The following UPP2 variants were observed in gnomAD, a reference collection of about 807,000 sequenced individuals.
UPP2 encodes uridine phosphorylase 2.
Under a neutral mutation model 26.7 loss-of-function variants are expected in UPP2, and 23 were observed. That is an observed-to-expected ratio of 0.86 (90% confidence interval 0.62 to 1.22). The LOEUF is 1.22. Among genes scored for constraint, UPP2 ranks in the 50% most tolerant of loss-of-function variants. UPP2 has a pLI of 0.00. For missense variants in UPP2, 387 were observed against 396.7 expected, an observed-to-expected ratio of 0.98 and a Z score of 0.21; for synonymous variants, 127 against 141.3, an observed-to-expected ratio of 0.90 and a Z score of 0.72.
chr2:158,009,347 C>T (rs1248108465), intron 2 of UPP2, among the ~76,000 whole-genome samples: 3 of 152,094 alleles, frequency 2.0e-5, no homozygotes, highest in African/African-American at 4.8e-5. Flanking sequence ...GCTTAAATGT[C>T]GCTATTAATC....
rs370543563 is a variant in UPP2, at chr2:158,115,730, A to G, written c.339+471A>G. ...TACTCTCCTGCATTTAGAACATGTG[A>G]ACAGTTATGGAAGCACACAGTGCCC... On this transcript the variant is annotated intron_variant, in intron 3 of 6. Transcript: ENST00000005756. Among the ~76,000 whole-genome samples, 3 of 152,298 alleles carry G rather than the reference A, an allele frequency of 2.0e-5. No homozygotes were observed. In the East Asian group the frequency reaches 5.8e-4, roughly 29 times the overall value.
intron 3 of UPP2, among the ~76,000 whole-genome samples, chr2:158,073,179 G>A (rs1682572166): frequency 6.6e-6 from 1 of 152,060 alleles, no homozygotes; most frequent in South Asian, 2.1e-4. Context: ...GCTGAAAAAT[G>A]CAACTGACAT....
At chr2:158,014,559 ATG>A (rs767104391) in intron 2 of UPP2, among the ~76,000 whole-genome samples, 5 of 152,202 alleles carry the variant, frequency 3.3e-5, no homozygotes, top group Non-Finnish European at 5.9e-5. Flanking sequence ...CAGAAAAGAA[ATG>A]TGTTTCTGAA....
intron 3 of UPP2, among the ~76,000 whole-genome samples, chr2:158,017,135 T>C (rs1236277957): frequency 6.6e-6 from 1 of 152,202 alleles, no homozygotes; most frequent in Non-Finnish European, 1.5e-5. Flanking sequence ...TAATGAAATA[T>C]AGTGCACAAC....
Position 158,134,816 on chromosome 2 carries a change from C to T in UPP2, c.880C>T (p.Leu294=). The part of the protein sequence containing the change: ...CDQINLPHDV[L]VEYQQRPQLL... ...TCAGATCAACTTGCCTCATGATGTC[C>T]TGGTGGAGTACCAGCAACGGCCTCA... Residue 294 remains leucine, a synonymous_variant, in exon 7 of 7, where the codon CTG becomes TTG. Coordinates refer to ENST00000005756, the MANE Select transcript of UPP2 (RefSeq NM_173355.4). 1.2e-6 allele frequency: 2 copies of T among 1,613,730 alleles called. No homozygotes were observed. The highest frequency in any genetic ancestry group is 8.5e-7 in the Non-Finnish European group (1 of 1,179,782).
chr2:158,002,454 T>C (rs1683423975), intron 2 of UPP2, among the ~76,000 whole-genome samples: 1 of 152,204 alleles, frequency 6.6e-6, no homozygotes, highest in South Asian at 2.1e-4. Context: ...TACATTTTCC[T>C]TTCCGAAACA....
chr2:158,105,833 T>A (rs1683180906), intron 1 of UPP2, among the ~76,000 whole-genome samples: 1 of 152,246 alleles, frequency 6.6e-6, no homozygotes, highest in South Asian at 2.1e-4. Context: ...CTTTGTAAAC[T>A]AAATTATTAA....
intron 6 of UPP2, among the ~76,000 whole-genome samples, chr2:158,127,403 G>C (rs900354055): frequency 6.6e-6 from 1 of 151,846 alleles, no homozygotes; most frequent in Non-Finnish European, 1.5e-5. Context: ...TGTATCCCCA[G>C]TACTTAGAAT....
At chr2:158,064,615 G>T (rs1419038679) in intron 3 of UPP2, among the ~76,000 whole-genome samples, 9 of 152,030 alleles carry the variant, frequency 5.9e-5, no homozygotes, top group African/African-American at 2.2e-4. Context: ...GTCAATTTTG[G>T]CTTTTGTTGC....
At position 158,063,731 on chromosome 2, in the gene UPP2, A is replaced by G. The variant is rs111974682; in HGVS notation, c.148-38309A>G. 8.9e-3 allele frequency among the ~76,000 whole-genome samples: 1,353 copies of G among 152,008 alleles called. 23 individuals carry two copies. The highest frequency in any genetic ancestry group is 0.031 in the African/African-American group (1,296 of 41,448). On this transcript the variant is annotated intron_variant, in intron 3 of 9. Transcript: ENST00000605860. ...TAACCTACATTGGGTATTTCTCCTA[A>G]TGTTATCCCTCCCTTAGCCTCCACC... is the stretch of plus-strand genomic sequence containing the variant.
intron 3 of UPP2, among the ~76,000 whole-genome samples, chr2:158,078,200 C>T (rs568101275): frequency 1.8e-3 from 277 of 152,160 alleles, no homozygotes; most frequent in African/African-American, 3.8e-3. Context: ...TAAAGTAGTA[C>T]GACCACTATG....
At chr2:158,012,519 C>T (rs370841715) in intron 2 of UPP2, among the ~76,000 whole-genome samples, 2 of 152,050 alleles carry the variant, frequency 1.3e-5, no homozygotes, top group South Asian at 2.1e-4. Context: ...CCACCCACCT[C>T]GGCCTGCCAA....
At chr2:158,066,951 A>G (rs1682445655) in intron 3 of UPP2, among the ~76,000 whole-genome samples, 2 of 152,156 alleles carry the variant, frequency 1.3e-5, no homozygotes, top group Admixed American at 6.5e-5. Flanking sequence ...ATGATTTGTT[A>G]TTGTAGCCAA....
intron 3 of UPP2, among the ~76,000 whole-genome samples, chr2:158,061,650 TA>T (rs1378617352): frequency 6.6e-6 from 1 of 152,238 alleles, no homozygotes; most frequent in African/African-American, 2.4e-5. Context: ...CAACAGACAG[TA>T]TCACTGTCTC....
Position 158,114,530 on chromosome 2 carries a change from A to G in UPP2, c.181-571A>G, listed in dbSNP as rs148409919. 5.9e-4 allele frequency among the ~76,000 whole-genome samples: 90 copies of G among 152,374 alleles called. No homozygotes were observed. The East Asian group carries it at 0.013, about 23-fold the overall frequency. On this transcript the variant is annotated intron_variant, in intron 2 of 6. Coordinates refer to ENST00000005756, the MANE Select transcript of UPP2 (RefSeq NM_173355.4). The stretch of plus-strand genomic sequence containing the variant: ...CTGGAATTGATGAAATGCCACAGGG[A>G]GATCCCACATTTACAATAATAAGGC...
intron 2 of UPP2, among the ~76,000 whole-genome samples, chr2:158,110,211 G>C (rs1177848925): frequency 1.3e-5 from 2 of 152,014 alleles, no homozygotes; most frequent in African/African-American, 2.4e-5. Context: ...GTGTCCAAGT[G>C]TTCTCATTGT....
At chr2:158,008,547 A>G (rs954864895) in intron 2 of UPP2, among the ~76,000 whole-genome samples, 1 of 152,192 alleles carries the variant, frequency 6.6e-6, no homozygotes, top group African/African-American at 2.4e-5. Context: ...TACTGGCACA[A>G]TGAAATGGGT....
intron 2 of UPP2, among the ~76,000 whole-genome samples, chr2:158,002,752 G>GA (rs766197547): frequency 3.9e-5 from 6 of 152,094 alleles, no homozygotes; most frequent in Non-Finnish European, 8.8e-5. Context: ...TGTAAGGATG[G>GA]AAAAAAATAG....
At chr2:158,090,162 C>T (rs56811260) in intron 3 of UPP2, among the ~76,000 whole-genome samples, 1,670 of 152,142 alleles carry the variant, frequency 0.011, 32 homozygotes, top group African/African-American at 0.037. Flanking sequence ...TGATGGATAC[C>T]TTAATTACTC....
Sources: gnomAD v4.1 joint callset for allele counts (sites outside exome capture counted in the v4.1 genomes callset) on GRCh38, gnomAD v4.1.1 for gene constraint, MANE v1.5 for transcripts, NCBI Gene and HGNC (gene_info 2026-07-23, HGNC 2026-07-21) for gene names.